PDE3A: variants seen among roughly 807,000 people sequenced by gnomAD.
PDE3A encodes phosphodiesterase 3A.
A neutral mutation model predicts 98.3 loss-of-function variants in PDE3A; 43 were observed. That is an observed-to-expected ratio of 0.44 (90% CI 0.34 to 0.56). PDE3A has a LOEUF of 0.56. Ranked by LOEUF, PDE3A falls within the 20% of genes least tolerant of loss-of-function variation. The probability of loss-of-function intolerance (pLI) is 0.01; values close to 1 mark genes in which losing one functional copy is unlikely to be tolerated. For missense variants in PDE3A, 1,427 were observed against 1,440.7 expected (o/e 0.99, Z 0.15); for synonymous variants, 663 against 567.9 (o/e 1.17, Z -2.38).
At chr12:20,468,896 A>C (rs1945389048) in intron 1 of PDE3A, among the ~76,000 whole-genome samples, 1 of 152,156 alleles carries the variant, frequency 6.6e-6, no homozygotes, top group Non-Finnish European at 1.5e-5. Context: ...TCTAGAGGAG[A>C]GTTTACTAAG....
At chr12:20,383,076 G>T (rs1017387682) in intron 1 of PDE3A, among the ~76,000 whole-genome samples, 1 of 151,770 alleles carries the variant, frequency 6.6e-6, no homozygotes, top group African/African-American at 2.4e-5. Context: ...AGATGCTTCG[G>T]GTGCTTCATT....
At chr12:20,398,038 G>GTT (rs397973436) in intron 1 of PDE3A, among the ~76,000 whole-genome samples, 53 of 132,296 alleles carry the variant, frequency 4.0e-4, no homozygotes, top group African/African-American at 1.0e-3. Context: ...AGAATGACAG[G>GTT]TTTTTTTTTT....
At chr12:20,401,067 A>G (rs1171785523) in intron 1 of PDE3A, among the ~76,000 whole-genome samples, 1 of 152,142 alleles carries the variant, frequency 6.6e-6, no homozygotes, top group Non-Finnish European at 1.5e-5. Context: ...GATGGCCAAA[A>G]CATCACTGGA....
chr12:20,473,761 T>G (rs1325007561), intron 1 of PDE3A, among the ~76,000 whole-genome samples: 1 of 152,142 alleles, frequency 6.6e-6, no homozygotes, highest in African/African-American at 2.4e-5. Flanking sequence ...TTGACTCATT[T>G]TTTTCATTCA....
chr12:20,575,769 T>G (rs1942914523), intron 2 of PDE3A, among the ~76,000 whole-genome samples: 1 of 152,028 alleles, frequency 6.6e-6, no homozygotes, highest in African/African-American at 2.4e-5. Context: ...CCTATTTTTT[T>G]TTAAGCTCAA....
chr12:20,652,218 T>G (rs976585491), intron 14 of PDE3A, among the ~76,000 whole-genome samples: 198 of 152,170 alleles, frequency 1.3e-3, no homozygotes, highest in Middle Eastern at 6.8e-3. Context: ...GAATAGTGCC[T>G]CAATAAACAT....
intron 1 of PDE3A, among the ~76,000 whole-genome samples, chr12:20,454,814 A>G (rs12369593): frequency 0.15 from 23,022 of 152,088 alleles, 2,133 homozygotes; most frequent in Non-Finnish European, 0.2. Flanking sequence ...CATTTTTTTT[A>G]TGACTGCATA....
At position 20,654,195 on chromosome 12, in the gene PDE3A, T is replaced by C. The variant is rs199694743; in HGVS notation, c.3174T>C (p.Asn1058=). The C allele has an allele frequency of 6.0e-5, 97 of 1,614,074 alleles. 1 individual carries two copies. In the Admixed American group the frequency reaches 1.6e-3, roughly 27 times the overall value. Residue 1058 remains asparagine, a synonymous_variant, in exon 15 of 16, where the codon AAT becomes AAC. Coordinates refer to ENST00000359062, the MANE Select transcript of PDE3A (RefSeq NM_000921.5). ...ATGAAGAGGAAACCTGTGAAAATAATGAATCTCCAAGTAAGTTCTAAAACC... is the reference window on the plus strand; with the variant it reads ...ATGAAGAGGAAACCTGTGAAAATAACGAATCTCCAAGTAAGTTCTAAAACC... ...APNEEETCEN[N]ESPKKKTFKR... is the part of the protein sequence containing the mutation.
At chr12:20,621,474 C>T in intron 5 of PDE3A, 63 bp downstream of exon 5, 3 of 866,948 alleles carry the variant, frequency 3.5e-6, no homozygotes, top group Non-Finnish European at 5.9e-6. Context: ...TAAACCAGAC[C>T]TTAAGCGTTG....
At chr12:20,388,751 A>G (rs1004798181) in intron 1 of PDE3A, among the ~76,000 whole-genome samples, 4 of 152,040 alleles carry the variant, frequency 2.6e-5, no homozygotes, top group Non-Finnish European at 2.9e-5. Context: ...AATATTGATT[A>G]ACTTCAGTTT....
Position 20,614,361 on chromosome 12 carries a change from T to C in PDE3A, c.1269+661T>C, listed in dbSNP as rs146001963. On this transcript the variant is annotated intron_variant, in intron 3 of 15. Coordinates refer to ENST00000359062, the MANE Select transcript of PDE3A (RefSeq NM_000921.5). ...TTTAGATCTCAATATTAATTAAAAA[T>C]AAGTCATATTAAAGACAAATCAGTG... Among the ~76,000 whole-genome samples the C allele has an allele frequency of 1.0e-3, 158 of 152,188 alleles. 1 individual carries two copies. Among genetic ancestry groups the C allele is most frequent in the Non-Finnish European group, 1.5e-3 (102 of 67,984 alleles).
intron 1 of PDE3A, among the ~76,000 whole-genome samples, chr12:20,397,272 C>G (rs10841505): frequency 0.4 from 60,276 of 151,686 alleles, 13,562 homozygotes; most frequent in South Asian, 0.51. Context: ...TTATATATGT[C>G]TCTATATATT....
At chr12:20,646,456 TAA>T in intron 10 of PDE3A, 32 bp from the exon 11 acceptor site, 1 of 1,183,356 alleles carries the variant, frequency 8.5e-7, no homozygotes, top group Non-Finnish European at 1.3e-6. Context: ...CCAAAGTTCA[TAA>T]ACTGATGACT....
intron 9 of PDE3A, among the ~76,000 whole-genome samples, chr12:20,638,382 A>C (rs752936449): frequency 6.6e-6 from 1 of 152,156 alleles, no homozygotes; most frequent in Non-Finnish European, 1.5e-5. Flanking sequence ...AGTCTGTAAA[A>C]TATTCAATTA....
intron 15 of PDE3A, among the ~76,000 whole-genome samples, chr12:20,672,137 C>G (rs1945499032): frequency 6.7e-6 from 1 of 149,772 alleles, no homozygotes; most frequent in Non-Finnish European, 1.5e-5. Flanking sequence ...ATCCAACTTA[C>G]AAGGGATGTG....
chr12:20,593,072 A>G (rs1333265524), intron 2 of PDE3A, among the ~76,000 whole-genome samples: 1 of 152,222 alleles, frequency 6.6e-6, no homozygotes. Flanking sequence ...TAGATGTTGA[A>G]CAAAGTACTA....
At chr12:20,461,390 A>G (rs950210922) in intron 1 of PDE3A, among the ~76,000 whole-genome samples, 1 of 152,166 alleles carries the variant, frequency 6.6e-6, no homozygotes, top group African/African-American at 2.4e-5. Context: ...AATAAATCCA[A>G]TTGGAAACAA....
intron 1 of PDE3A, among the ~76,000 whole-genome samples, chr12:20,448,813 G>A (rs1945008578): frequency 7.0e-6 from 1 of 142,422 alleles, no homozygotes; most frequent in Non-Finnish European, 1.5e-5. Flanking sequence ...CAAACTTTTG[G>A]GTTCAAGCAG....
rs142526902 is a variant in PDE3A, at chr12:20,654,167, C to A, written c.3146C>A (p.Pro1049Gln). Residue 1049 changes from proline (P) to glutamine (Q), a missense_variant, in exon 15 of 16, where the codon CCA becomes CAA. Physicochemically the swap from Pro to Gln is moderately conservative, Grantham distance 76. Around this residue, in one of 3 missense-constraint regions of PDE3A, gnomAD observed 142 missense variants for 133.9 expected, o/e 1.06. Transcript: ENST00000359062. ...GAAGAGGAGGAAGAAGCACCAGCAC[C>A]AAATGAAGAGGAAACCTGTGAAAAT... ...PEEEEEEAPAPNEEETCENNE... is the reference protein window; with the variant it reads ...PEEEEEEAPAQNEEETCENNE... 4 of 1,613,916 alleles carry A rather than the reference C, an allele frequency of 2.5e-6. No individual in the cohort carries two copies. Among genetic ancestry groups the A allele is most frequent in the Non-Finnish European group, 3.4e-6 (4 of 1,179,928 alleles).
Sources: gnomAD v4.1 joint callset for allele counts (sites outside exome capture counted in the v4.1 genomes callset) on GRCh38, gnomAD v4.1.1 for gene constraint, gnomAD v4.1.1 regional missense constraint, MANE v1.5 for transcripts, NCBI Gene and HGNC (gene_info 2026-07-23, HGNC 2026-07-21) for gene names.